The following PIP5K1B variants were observed in gnomAD, a reference collection of about 807,000 sequenced individuals.
PIP5K1B encodes the protein phosphatidylinositol-4-phosphate 5-kinase type 1 beta.
A neutral mutation model predicts 67.0 loss-of-function variants in PIP5K1B; 42 were observed. The ratio of observed to expected loss-of-function variants is 0.63; its 90% CI spans 0.49 to 0.81. PIP5K1B has a LOEUF of 0.81. Among genes scored for constraint, PIP5K1B ranks in the 30% least tolerant of loss-of-function variants. The pLI is 0.00. For missense variants in PIP5K1B, 459 were observed against 646.3 expected (o/e 0.71, Z 3.14); for synonymous variants, 214 against 231.4 (o/e 0.92, Z 0.68).
In PIP5K1B at chr9:68,916,392, A is replaced by G. The variant is rs1826093584; in HGVS notation, c.772-1156A>G. 2.0e-5 allele frequency among the ~76,000 whole-genome samples: 3 copies of G among 152,168 alleles called. No homozygotes were observed. The South Asian group carries it at 6.2e-4, about 32-fold the overall frequency. ...GCCATCTCAACAGACTCGGACCCAG[A>G]CCTTTGTCTCCTGTCATTTTCTTTT... On this transcript the variant is annotated intron_variant, in intron 8 of 15. Transcript: ENST00000265382.
rs76270932 is a variant in PIP5K1B, at chr9:68,825,850, G to T, written c.69+3167G>T. On this transcript the variant is annotated intron_variant, in intron 4 of 15. Coordinates refer to ENST00000265382, the MANE Select transcript of PIP5K1B (RefSeq NM_003558.4). ...GCAGCAGGTTTAGGCTTTCTGTATG[G>T]AGCCCCAGATTTACTGGGCAGCTGC... Among the ~76,000 whole-genome samples the T allele has an allele frequency of 9.2e-5, 14 of 152,302 alleles. No homozygotes were observed. The East Asian group carries it at 2.3e-3, about 25-fold the overall frequency.
chr9:68,872,483 G>A (rs1031382042), intron 5 of PIP5K1B, among the ~76,000 whole-genome samples: 19 of 152,326 alleles, frequency 1.2e-4, no homozygotes, highest in Middle Eastern at 3.4e-3. Flanking sequence ...CTCAGTTTGG[G>A]GGAAGAGGAA....
chr9:68,959,635 CAAGTAGAGTTGCATCAT>C (rs995633579), intron 14 of PIP5K1B, among the ~76,000 whole-genome samples: 31 of 152,256 alleles, frequency 2.0e-4, no homozygotes, highest in African/African-American at 7.5e-4. Flanking sequence ...CTCTATTCTC[CAAGTAGAGTTGCATCAT>C]AATTCCTATT....
chr9:68,919,531 A>T lies in PIP5K1B; in HGVS notation c.1036A>T (p.Met346Leu). The T allele has an allele frequency of 6.3e-7, 1 of 1,599,460 alleles. No homozygotes were observed. Among genetic ancestry groups the T allele is most frequent in the Non-Finnish European group, 8.5e-7 (1 of 1,169,698 alleles). The change falls in exon 10 of 16, where the codon ATG becomes TTG. Residue 346 changes from methionine (M) to leucine (L), a missense_variant. Physicochemically the swap from Met to Leu is conservative, Grantham distance 15. Transcript: ENST00000265382. ...SHRGEKLLLFMGIIDILQSYR... is the reference protein window; with the variant it reads ...SHRGEKLLLFLGIIDILQSYR... Reference sequence around the variant, plus strand: ...TAGGGGAGAAAAACTACTTTTATTTATGGGCATTATTGACATTCTGCAATC... The same window carrying T: ...TAGGGGAGAAAAACTACTTTTATTTTTGGGCATTATTGACATTCTGCAATC...
chr9:68,804,636 G>T (rs1832772107), intron 2 of PIP5K1B, among the ~76,000 whole-genome samples: 1 of 148,796 alleles, frequency 6.7e-6, no homozygotes, highest in African/African-American at 2.5e-5. Flanking sequence ...CTGTCATTCA[G>T]GATGGAGCGC....
chr9:68,748,745 C>T (rs1439061934), intron 2 of PIP5K1B, among the ~76,000 whole-genome samples: 4 of 151,534 alleles, frequency 2.6e-5, no homozygotes, highest in Non-Finnish European at 5.9e-5. Context: ...CCCCAGCCTC[C>T]TGAGTAGTGG....
intron 14 of PIP5K1B, among the ~76,000 whole-genome samples, chr9:68,988,750 C>G (rs1830218980): frequency 6.6e-6 from 1 of 151,852 alleles, no homozygotes; most frequent in East Asian, 1.9e-4. Context: ...CGCGCCCAGC[C>G]TCTTTATGAC....
intron 4 of PIP5K1B, among the ~76,000 whole-genome samples, chr9:68,845,083 G>A (rs866602302): frequency 1.3e-5 from 2 of 152,138 alleles, no homozygotes; most frequent in Non-Finnish European, 2.9e-5. Context: ...TTTTAGAGGA[G>A]GAAGAAATTT....
chr9:68,729,993 G>A (rs1037803362), intron 1 of PIP5K1B, among the ~76,000 whole-genome samples: 14 of 151,868 alleles, frequency 9.2e-5, no homozygotes, highest in African/African-American at 3.1e-4. Context: ...AAATGACTTC[G>A]ATATCTAACA....
intron 2 of PIP5K1B, among the ~76,000 whole-genome samples, chr9:68,794,824 C>A (rs1217570939): frequency 6.6e-6 from 1 of 151,962 alleles, no homozygotes; most frequent in Non-Finnish European, 1.5e-5. Context: ...AGGAAACAAA[C>A]AATATTTTCC....
chr9:68,864,391 A>G (rs754525322), intron 5 of PIP5K1B, among the ~76,000 whole-genome samples: 4 of 152,230 alleles, frequency 2.6e-5, no homozygotes, highest in South Asian at 2.1e-4. Flanking sequence ...TTGGGCCTCA[A>G]ATCTGAGTTT....
intron 8 of PIP5K1B, among the ~76,000 whole-genome samples, chr9:68,909,900 A>T (rs578213469): frequency 1.3e-5 from 2 of 152,320 alleles, no homozygotes; most frequent in East Asian, 3.9e-4. Context: ...TGTCTGCTAG[A>T]CTGCACAAAG....
chr9:68,910,128 A>G (rs765081296), intron 8 of PIP5K1B, among the ~76,000 whole-genome samples: 3 of 152,196 alleles, frequency 2.0e-5, no homozygotes, highest in East Asian at 3.8e-4. Flanking sequence ...TGTTCTTGCA[A>G]AGGCTTCCTA....
intron 2 of PIP5K1B, among the ~76,000 whole-genome samples, chr9:68,786,919 A>G (rs902199936): frequency 1.3e-5 from 2 of 152,132 alleles, no homozygotes; most frequent in Non-Finnish European, 2.9e-5. Context: ...TTCCAACCGG[A>G]AGGTTGGGAT....
At chr9:68,741,459 C>T (rs1419820873) in intron 1 of PIP5K1B, 1 of 152,194 alleles carries the variant, frequency 6.6e-6, no homozygotes, top group African/African-American at 2.4e-5. Context: ...TATCCCAGAG[C>T]ACTCTGCCTT....
intron 15 of PIP5K1B, among the ~76,000 whole-genome samples, chr9:68,994,904 G>T (rs1027956481): frequency 6.6e-6 from 1 of 151,966 alleles, no homozygotes; most frequent in Non-Finnish European, 1.5e-5. Flanking sequence ...GATTTTCCAA[G>T]GTGGGAAGAT....
intron 1 of PIP5K1B, among the ~76,000 whole-genome samples, chr9:68,721,023 T>C (rs1264719778): frequency 2.0e-5 from 3 of 152,192 alleles, no homozygotes; most frequent in Admixed American, 6.5e-5. Context: ...ATCATGAAGC[T>C]TGTTAGTGCA....
chr9:68,932,600 C>T (rs543855332), intron 12 of PIP5K1B, among the ~76,000 whole-genome samples: 1 of 152,240 alleles, frequency 6.6e-6, no homozygotes, highest in African/African-American at 2.4e-5. Context: ...AAGTTGGAGT[C>T]TCACATCTGC....
At chr9:68,879,531 G>A (rs1824066598) in intron 6 of PIP5K1B, among the ~76,000 whole-genome samples, 1 of 152,052 alleles carries the variant, frequency 6.6e-6, no homozygotes, top group Admixed American at 6.6e-5. Context: ...TCGGACCTCT[G>A]TACTCCAGCC....
Sources: gnomAD v4.1 joint callset for allele counts (sites outside exome capture counted in the v4.1 genomes callset) on GRCh38, gnomAD v4.1.1 for gene constraint, MANE v1.5 for transcripts, NCBI Gene and HGNC (gene_info 2026-07-23, HGNC 2026-07-21) for gene names.